Variants in EBF1 observed in about 807,000 individuals in gnomAD.
The protein encoded by EBF1 is EBF transcription factor 1, also known as transcription factor COE1.
EBF1 carries 10 observed loss-of-function variants against 68.4 expected under a neutral mutation model. The ratio of observed to expected loss-of-function variants is 0.15; its 90% CI spans 0.09 to 0.25. The LOEUF (loss-of-function observed/expected upper bound fraction) is 0.25. EBF1 is among the 10% of genes least tolerant of loss of function. EBF1 has a pLI of 1.00. For synonymous variants in EBF1, 298 were observed against 299.8 expected (o/e 0.99, Z 0.06); for missense variants, 509 against 794.4 (o/e 0.64, Z 4.32).
At chr5:159,062,340 T>C (rs1449987318) in intron 6 of EBF1, among the ~76,000 whole-genome samples, 2 of 152,120 alleles carry the variant, frequency 1.3e-5, no homozygotes, top group African/African-American at 4.8e-5. Context: ...TTTTGTGTCC[T>C]AAGGACAGAA....
intron 6 of EBF1, among the ~76,000 whole-genome samples, chr5:158,981,182 T>A (rs1757829417): frequency 6.6e-6 from 1 of 151,560 alleles, no homozygotes; most frequent in Admixed American, 6.6e-5. Context: ...GACTATAATA[T>A]CCTTGCATCA....
chr5:159,090,923 G>T (rs1407482218), intron 4 of EBF1, among the ~76,000 whole-genome samples: 1 of 152,146 alleles, frequency 6.6e-6, no homozygotes, highest in Non-Finnish European at 1.5e-5. Context: ...TCACAACGGA[G>T]CTTCAAGGTA....
At chr5:158,996,359 T>A (rs1195417576) in intron 6 of EBF1, among the ~76,000 whole-genome samples, 1 of 152,216 alleles carries the variant, frequency 6.6e-6, no homozygotes, top group Non-Finnish European at 1.5e-5. Context: ...TTTCTCTAAT[T>A]TTTATGAAAT....
At chr5:159,096,493 C>T in intron 2 of EBF1, 87 bp from the exon 3 acceptor site, 1 of 1,491,708 alleles carries the variant, frequency 6.7e-7, no homozygotes, top group Non-Finnish European at 9.2e-7. Flanking sequence ...GCAACTTTCC[C>T]CAAGCCGGGA....
At chr5:158,802,158 A>G (rs1780714864) in intron 8 of EBF1, among the ~76,000 whole-genome samples, 1 of 152,056 alleles carries the variant, frequency 6.6e-6, no homozygotes, top group Non-Finnish European at 1.5e-5. Context: ...TCCTTCTGAA[A>G]TCTCTCTGTG....
chr5:158,956,028 ATGTGTGTG>A (rs56311243), intron 6 of EBF1, among the ~76,000 whole-genome samples: 38,413 of 140,934 alleles, frequency 0.27, 5,231 homozygotes, highest in Non-Finnish European at 0.3. Flanking sequence ...ATAAATATAA[ATGTGTGTG>A]TGTGTGTGTG....
intron 4 of EBF1, among the ~76,000 whole-genome samples, chr5:159,094,164 G>GTAAA (rs1415478986): frequency 7.0e-5 from 1 of 14,206 alleles, no homozygotes; most frequent in Non-Finnish European, 1.3e-4. Flanking sequence ...GCCTTGGAAG[G>GTAAA]CAAAAAAAAA....
intron 6 of EBF1, among the ~76,000 whole-genome samples, chr5:158,903,814 C>T (rs1469796693): frequency 6.6e-6 from 1 of 152,124 alleles, no homozygotes; most frequent in Non-Finnish European, 1.5e-5. Context: ...TATTCCTTCT[C>T]CTTGTGTTGA....
At chr5:159,046,762 T>G (rs1772485352) in intron 6 of EBF1, among the ~76,000 whole-genome samples, 1 of 152,224 alleles carries the variant, frequency 6.6e-6, no homozygotes. Flanking sequence ...GATTCATGAC[T>G]GGCAGGATCA....
chr5:158,944,320 T>C (rs988617631), intron 6 of EBF1, among the ~76,000 whole-genome samples: 12 of 152,216 alleles, frequency 7.9e-5, no homozygotes, highest in African/African-American at 2.9e-4. Context: ...CATGCAGTGT[T>C]TGCTTTTTTG....
intron 6 of EBF1, among the ~76,000 whole-genome samples, chr5:159,036,082 G>A (rs1454465188): frequency 2.6e-5 from 4 of 152,162 alleles, no homozygotes; most frequent in Non-Finnish European, 4.4e-5. Flanking sequence ...CAGAGTAAGG[G>A]ATAAAGTTTG....
At chr5:158,916,962 A>G (rs1486236200) in intron 6 of EBF1, among the ~76,000 whole-genome samples, 3 of 152,056 alleles carry the variant, frequency 2.0e-5, no homozygotes, top group Non-Finnish European at 4.4e-5. Context: ...GCCTCCCACA[A>G]CGTGTCTCTT....
In EBF1 at chr5:158,697,071, TAAGAA is replaced by T; in HGVS notation, c.*2035_*2039del. Reference sequence around the variant, plus strand: ...GACAGAGGAAATATACAAGCAGACTTAAGAAAGAAAGTATGTTCATTGATTTCTAT... The same window carrying T: ...GACAGAGGAAATATACAAGCAGACTTAGAAAGTATGTTCATTGATTTCTAT... On this transcript the variant is annotated 3_prime_UTR_variant, in exon 16 of 16. Coordinates refer to ENST00000313708, the MANE Select transcript of EBF1 (RefSeq NM_024007.5). 5.3e-6 allele frequency: 1 copy of T among 189,446 alleles called. No homozygotes were observed. The highest frequency in any genetic ancestry group is 8.4e-5 in the East Asian group (1 of 11,972). The allele number at this position is 189,446 out of a possible 1,614,324, so 11.7% of individuals were successfully genotyped here.
intron 8 of EBF1, among the ~76,000 whole-genome samples, chr5:158,819,917 T>C (rs796902311): frequency 6.6e-5 from 10 of 152,112 alleles, no homozygotes; most frequent in African/African-American, 2.4e-4. Context: ...CATGCAAGAG[T>C]CTATGAAATA....
intron 6 of EBF1, among the ~76,000 whole-genome samples, chr5:159,031,545 A>T (rs917763871): frequency 6.6e-6 from 1 of 152,218 alleles, no homozygotes; most frequent in African/African-American, 2.4e-5. Context: ...TTTGACTTCA[A>T]CTGGGGAAGT....
chr5:158,732,137 G>C, intron 10 of EBF1, among the ~76,000 whole-genome samples: 1 of 152,090 alleles, frequency 6.6e-6, no homozygotes. Flanking sequence ...AAAATTTCTT[G>C]TCTTTTTTAG....
Position 159,094,000 on chromosome 5 carries a change from C to T in EBF1, c.411+1620G>A, listed in dbSNP as rs1584569943. On this transcript the variant is annotated intron_variant, in intron 4 of 15. Coordinates refer to ENST00000313708, the MANE Select transcript of EBF1 (RefSeq NM_024007.5). ...CCTACTTTCCCCCTCTCCCTCCCAA[C>T]TTTTTTTTTTTTTTTTTTCCTGTAA... Among the ~76,000 whole-genome samples the T allele has an allele frequency of 2.3e-5, 3 of 130,122 alleles. No homozygotes were observed. The East Asian group carries it at 6.5e-4, about 28-fold the overall frequency. The allele number at this position is 130,122 out of a possible 152,430, so 85.4% of individuals were successfully genotyped here. A position where few individuals can be genotyped will look rare whatever the true frequency, so the allele number is the denominator to read the frequency against.
intron 4 of EBF1, among the ~76,000 whole-genome samples, chr5:159,089,947 G>A (rs1226334997): frequency 6.6e-6 from 1 of 151,934 alleles, no homozygotes; most frequent in African/African-American, 2.4e-5. Context: ...AACTAACAAA[G>A]ACTTCTAATT....
chr5:158,845,380 A>T (rs192738984), intron 6 of EBF1, among the ~76,000 whole-genome samples: 1 of 152,286 alleles, frequency 6.6e-6, no homozygotes, highest in East Asian at 1.9e-4. Context: ...TAATTGGGTG[A>T]CTTTAGATAA....
Sources: allele counts gnomAD v4.1 joint callset (sites outside exome capture counted in the v4.1 genomes callset), GRCh38; gene constraint gnomAD v4.1.1; transcripts MANE v1.5; gene names NCBI Gene and HGNC (gene_info 2026-07-23, HGNC 2026-07-21).